The following CDH20 variants were observed in gnomAD, a reference collection of about 807,000 sequenced individuals.
The protein encoded by CDH20 is cadherin-20.
In CDH20, 29 loss-of-function variants were observed where a neutral mutation model predicts 74.2. The observed-to-expected ratio is 0.39, with a 90% CI of 0.29 to 0.53. The LOEUF is 0.53. Among genes scored for constraint, CDH20 ranks in the 20% least tolerant of loss-of-function variants. The probability of loss-of-function intolerance (pLI) is 0.69; values close to 1 mark genes in which losing one functional copy is unlikely to be tolerated. For missense variants in CDH20, 988 were observed against 1,048.3 expected (o/e 0.94, Z 0.79); for synonymous variants, 469 against 405.4 (o/e 1.16, Z -1.88).
chr18:61,479,402 G>A (rs1453470116), intron 1 of CDH20, among the ~76,000 whole-genome samples: 1 of 152,006 alleles, frequency 6.6e-6, no homozygotes, highest in African/African-American at 2.4e-5. Context: ...ATTAGCAGTT[G>A]GTGTTCCAGT....
At chr18:61,551,233 A>G (rs184398790) in intron 11 of CDH20, among the ~76,000 whole-genome samples, 2,039 of 152,334 alleles carry the variant, frequency 0.013, 28 homozygotes, top group South Asian at 0.029. Flanking sequence ...CTGTACATAT[A>G]TCCTTGCTCT....
At chr18:61,514,115 TC>T (rs1323838804) in intron 6 of CDH20, among the ~76,000 whole-genome samples, 1 of 152,172 alleles carries the variant, frequency 6.6e-6, no homozygotes, top group African/African-American at 2.4e-5. Context: ...GGTTCCATTC[TC>T]CCCATCACTT....
At chr18:61,343,944 A>T (rs1910035578) in intron 1 of CDH20, among the ~76,000 whole-genome samples, 1 of 152,088 alleles carries the variant, frequency 6.6e-6, no homozygotes, top group Non-Finnish European at 1.5e-5. Context: ...AGTTCCCAGC[A>T]GCCAGAGGGG....
At chr18:61,378,669 C>T (rs539841944) in intron 1 of CDH20, among the ~76,000 whole-genome samples, 5 of 152,148 alleles carry the variant, frequency 3.3e-5, no homozygotes, top group Non-Finnish European at 5.9e-5. Flanking sequence ...GTCAAGTTGA[C>T]GTAAAATTAA....
chr18:61,391,883 T>C (rs2144204997), intron 1 of CDH20, among the ~76,000 whole-genome samples: 1 of 152,220 alleles, frequency 6.6e-6, no homozygotes, highest in African/African-American at 2.4e-5. Flanking sequence ...CTATTCTACC[T>C]CAATATTTCT....
At chr18:61,419,558 T>C (rs191914604) in intron 1 of CDH20, among the ~76,000 whole-genome samples, 158 of 152,338 alleles carry the variant, frequency 1.0e-3, no homozygotes, top group African/African-American at 3.6e-3. Context: ...GAATCTCCAT[T>C]TCCTCACATT....
Position 61,554,595 on chromosome 18 carries a change from A to G in CDH20, c.2306A>G (p.Asp769Gly). 1 of 1,608,950 alleles carries G rather than the reference A, an allele frequency of 6.2e-7. No homozygotes were observed. The highest frequency in any genetic ancestry group is 8.5e-7 in the Non-Finnish European group (1 of 1,178,386). ...SLSSLQSATS[D>G]SEQSFDFLTD... is the part of the protein sequence containing the mutation. ...AGCTCCCTGCAGTCGGCCACGTCGG[A>G]CTCGGAACAGAGCTTCGACTTCCTG... The change falls in exon 12 of 12, where the codon GAC (aspartate) becomes GGC (glycine). Residue 769 changes from aspartate (D) to glycine (G), a missense_variant. Asp to Gly is a moderately conservative substitution (Grantham distance 94). This residue lies in a region of CDH20 where 375 missense variants were observed against 293.1 expected (regional missense o/e 1.28). Coordinates refer to ENST00000262717, the MANE Select transcript of CDH20 (RefSeq NM_031891.4).
At chr18:61,337,192 G>A (rs1163588879) in intron 1 of CDH20, among the ~76,000 whole-genome samples, 5 of 152,062 alleles carry the variant, frequency 3.3e-5, no homozygotes, top group East Asian at 1.9e-4. Context: ...GGAAATCCTC[G>A]TTATTTCCCC....
chr18:61,430,270 A>C (rs1913211585), intron 1 of CDH20, among the ~76,000 whole-genome samples: 1 of 152,142 alleles, frequency 6.6e-6, no homozygotes. Context: ...TTGGTCAAAC[A>C]GTGATGGGTC....
chr18:61,384,323 G>A (rs1309104695), intron 1 of CDH20, among the ~76,000 whole-genome samples: 1 of 151,880 alleles, frequency 6.6e-6, no homozygotes, highest in Non-Finnish European at 1.5e-5. Context: ...TTGATAAATG[G>A]CCCCAGTTCA....
At chr18:61,527,752 C>T (rs1026487195) in intron 6 of CDH20, among the ~76,000 whole-genome samples, 1 of 152,136 alleles carries the variant, frequency 6.6e-6, no homozygotes, top group African/African-American at 2.4e-5. Flanking sequence ...TGACTGATAT[C>T]TTATCTTCTT....
chr18:61,436,299 G>A (rs538926542), intron 1 of CDH20, among the ~76,000 whole-genome samples: 1 of 152,132 alleles, frequency 6.6e-6, no homozygotes, highest in Admixed American at 6.5e-5. Flanking sequence ...GAGTGAAATT[G>A]CTGGGTAACT....
intron 1 of CDH20, among the ~76,000 whole-genome samples, chr18:61,388,120 A>T (rs975988843): frequency 2.0e-5 from 3 of 152,194 alleles, no homozygotes; most frequent in Non-Finnish European, 4.4e-5. Flanking sequence ...GAAGGAGAAG[A>T]TTAATTCTGT....
chr18:61,343,247 T>C (rs542271631), intron 1 of CDH20, among the ~76,000 whole-genome samples: 1 of 152,352 alleles, frequency 6.6e-6, no homozygotes, highest in Admixed American at 6.5e-5. Context: ...GGATTTGCAA[T>C]GTATTACATT....
intron 1 of CDH20, among the ~76,000 whole-genome samples, chr18:61,420,532 AC>A (rs1912839237): frequency 6.6e-6 from 1 of 152,132 alleles, no homozygotes; most frequent in Non-Finnish European, 1.5e-5. Flanking sequence ...AGTAACCTAA[AC>A]ACTAGAATAG....
At chr18:61,419,579 C>G (rs886079773) in intron 1 of CDH20, among the ~76,000 whole-genome samples, 1 of 152,148 alleles carries the variant, frequency 6.6e-6, no homozygotes, top group Non-Finnish European at 1.5e-5. Context: ...CTCACTAATA[C>G]TTTATATATC....
At chr18:61,380,782 C>T (rs1911409559) in intron 1 of CDH20, among the ~76,000 whole-genome samples, 1 of 152,052 alleles carries the variant, frequency 6.6e-6, no homozygotes, top group African/African-American at 2.4e-5. Flanking sequence ...GCACTCCAGC[C>T]TGGACAACAA....
chr18:61,534,172 A>T (rs1912745310), intron 7 of CDH20, among the ~76,000 whole-genome samples: 1 of 152,260 alleles, frequency 6.6e-6, no homozygotes, highest in Non-Finnish European at 1.5e-5. Flanking sequence ...AATGCTAATT[A>T]AAACCACAAT....
At chr18:61,474,541 G>T (rs1281261585) in intron 1 of CDH20, among the ~76,000 whole-genome samples, 1 of 152,110 alleles carries the variant, frequency 6.6e-6, no homozygotes, top group East Asian at 1.9e-4. Context: ...CCACCTGCTG[G>T]TTCCTCGGGA....
Sources: allele counts gnomAD v4.1 joint callset (sites outside exome capture counted in the v4.1 genomes callset), GRCh38; gene constraint gnomAD v4.1.1; regional missense constraint gnomAD v4.1.1; transcripts MANE v1.5; gene names NCBI Gene and HGNC (gene_info 2026-07-23, HGNC 2026-07-21).